KCNMB4: variants seen among roughly 807,000 people sequenced by gnomAD.
The protein encoded by KCNMB4 is calcium-activated potassium channel subunit beta-4.
A neutral mutation model predicts 20.7 loss-of-function variants in KCNMB4; 3 were observed. That is an observed-to-expected ratio of 0.14 (90% CI 0.07 to 0.37). KCNMB4 has a LOEUF of 0.37. Ranked by LOEUF, KCNMB4 falls within the 10% of genes least tolerant of loss-of-function variation. The pLI, the probability that KCNMB4 is intolerant of heterozygous loss-of-function variation, is 1.00. For missense variants in KCNMB4, 168 were observed against 265.9 expected (o/e 0.63, Z 2.56); for synonymous variants, 110 against 113.4 (o/e 0.97, Z 0.19).
At chr12:70,411,947 T>C (rs537555654) in intron 2 of KCNMB4, among the ~76,000 whole-genome samples, 13 of 152,206 alleles carry the variant, frequency 8.5e-5, no homozygotes, top group African/African-American at 2.9e-4. Context: ...GGTAGATTGA[T>C]AGAAGCCAAA....
rs1413299426 is a variant in KCNMB4 at position 70,366,645 on chromosome 12, C to T, written c.-90C>T. On this transcript the variant is annotated 5_prime_UTR_variant, in exon 1 of 3. Transcript: ENST00000258111. ...TGTCGCGCGGCGGCGGCGGTGGCGG[C>T]GGCGGCTCCTCCCGCCCGAGGCAGT... 7.4e-6 allele frequency: 7 copies of T among 941,776 alleles called. No individual in the cohort carries two copies. Among genetic ancestry groups the T allele is most frequent in the Non-Finnish European group, 8.0e-6 (6 of 749,754 alleles). 58.3% of individuals were successfully genotyped at this position (941,776 alleles called of 1,614,324 possible). A position where few individuals can be genotyped will look rare whatever the true frequency, so the allele number is the denominator to read the frequency against.
intron 1 of KCNMB4, among the ~76,000 whole-genome samples, chr12:70,380,648 C>G (rs1196130684): frequency 6.8e-6 from 1 of 147,910 alleles, no homozygotes; most frequent in Non-Finnish European, 1.5e-5. Flanking sequence ...AACTGAGAGT[C>G]CAAAAAAAAA....
At chr12:70,420,048 T>A (rs545863714) in intron 2 of KCNMB4, among the ~76,000 whole-genome samples, 1 of 151,868 alleles carries the variant, frequency 6.6e-6, no homozygotes, top group Non-Finnish European at 1.5e-5. Context: ...ATAACTCAGA[T>A]TGTAGATCTG....
chr12:70,394,405 CTTAG>C (rs908649487), intron 1 of KCNMB4, among the ~76,000 whole-genome samples: 3 of 152,158 alleles, frequency 2.0e-5, no homozygotes, highest in Admixed American at 6.5e-5. Flanking sequence ...TTCTCCTGTT[CTTAG>C]TTAACCTTGC....
chr12:70,386,786 C>T (rs1868261198), intron 1 of KCNMB4, among the ~76,000 whole-genome samples: 1 of 151,980 alleles, frequency 6.6e-6, no homozygotes, highest in Non-Finnish European at 1.5e-5. Flanking sequence ...AGACTAGAAA[C>T]TTCTATAATG....
chr12:70,384,789 G>A (rs1263019188), intron 1 of KCNMB4, among the ~76,000 whole-genome samples: 2 of 147,044 alleles, frequency 1.4e-5, no homozygotes, highest in African/African-American at 5.1e-5. Flanking sequence ...CGGTAGGATC[G>A]CTTGAGCCCA....
At chr12:70,407,030 T>G (rs1868623293) in intron 2 of KCNMB4, among the ~76,000 whole-genome samples, 1 of 152,100 alleles carries the variant, frequency 6.6e-6, no homozygotes, top group Non-Finnish European at 1.5e-5. Flanking sequence ...TGGCATCAGA[T>G]CCCACAAATT....
Position 70,366,911 on chromosome 12 carries a change from G to A in KCNMB4, c.177G>A (p.Val59=), listed in dbSNP as rs755516521. Residue 59 remains valine, a synonymous_variant, in exon 1 of 3, where the codon GTG becomes GTA. Transcript: ENST00000258111. ...AGGCCAATTGCACGGTGCTGTCGGT[G>A]CAGCAGATCGGCGAGGTGTTCGAGT... ...ATEANCTVLS[V]QQIGEVFECT... is the part of the protein sequence containing the mutation. The A allele has an allele frequency of 1.2e-6, 2 of 1,613,428 alleles. No homozygotes were observed. Among genetic ancestry groups the A allele is most frequent in the Non-Finnish European group, 8.5e-7 (1 of 1,179,856 alleles).
chr12:70,416,246 T>G (rs902273176), intron 2 of KCNMB4, among the ~76,000 whole-genome samples: 8 of 152,192 alleles, frequency 5.3e-5, no homozygotes, highest in Admixed American at 5.2e-4. Flanking sequence ...CATGTCAGTT[T>G]CACTATGGGA....
At chr12:70,392,181 G>T (rs538382183) in intron 1 of KCNMB4, among the ~76,000 whole-genome samples, 1 of 152,274 alleles carries the variant, frequency 6.6e-6, no homozygotes, top group South Asian at 2.1e-4. Flanking sequence ...ATCTGAATGT[G>T]TGCATGAACA....
intron 1 of KCNMB4, among the ~76,000 whole-genome samples, chr12:70,391,788 A>G (rs1868301701): frequency 6.6e-6 from 1 of 152,216 alleles, no homozygotes; most frequent in Non-Finnish European, 1.5e-5. Context: ...CAGGTGCTTT[A>G]TCACCTTTTC....
chr12:70,367,877 A>G (rs1436133743), intron 1 of KCNMB4, among the ~76,000 whole-genome samples: 1 of 152,062 alleles, frequency 6.6e-6, no homozygotes, highest in Admixed American at 6.5e-5. Context: ...GAAAAAGAAA[A>G]AAAAAAAAGA....
intron 1 of KCNMB4, among the ~76,000 whole-genome samples, chr12:70,373,783 C>G (rs1412651760): frequency 6.6e-6 from 1 of 152,130 alleles, no homozygotes; most frequent in Non-Finnish European, 1.5e-5. Context: ...ACTTGGGAGG[C>G]TGAGGCCTGT....
At chr12:70,423,120 T>A (rs1253113161) in intron 2 of KCNMB4, among the ~76,000 whole-genome samples, 1 of 152,224 alleles carries the variant, frequency 6.6e-6, no homozygotes, top group East Asian at 1.9e-4. Flanking sequence ...ATTATTTTTT[T>A]CCTTGCTGTA....
chr12:70,408,341 G>T (rs1319160248), intron 2 of KCNMB4, among the ~76,000 whole-genome samples: 1 of 152,168 alleles, frequency 6.6e-6, no homozygotes, highest in Non-Finnish European at 1.5e-5. Flanking sequence ...TAGACTTACT[G>T]TAGGGACTCC....
chr12:70,425,830 T>A (rs544655330), intron 2 of KCNMB4, among the ~76,000 whole-genome samples: 1 of 152,358 alleles, frequency 6.6e-6, no homozygotes, highest in Non-Finnish European at 1.5e-5. Flanking sequence ...ACTAGGCTGA[T>A]GCATTTGATA....
At chr12:70,390,944 G>GT (rs1468086620) in intron 1 of KCNMB4, among the ~76,000 whole-genome samples, 1 of 152,154 alleles carries the variant, frequency 6.6e-6, no homozygotes, top group East Asian at 1.9e-4. Context: ...TGCCCTTTCT[G>GT]CTCTATACTA....
chr12:70,385,208 GT>G (rs575454906), intron 1 of KCNMB4, among the ~76,000 whole-genome samples: 62 of 152,278 alleles, frequency 4.1e-4, no homozygotes, highest in African/African-American at 1.5e-3. Context: ...TATCTGCCAT[GT>G]TACAGGCCCT....
At chr12:70,374,825 G>C (rs924153040) in intron 1 of KCNMB4, among the ~76,000 whole-genome samples, 1 of 151,992 alleles carries the variant, frequency 6.6e-6, no homozygotes, top group Non-Finnish European at 1.5e-5. Flanking sequence ...CCAGTTTACT[G>C]GTTTTAATCT....
Sources: allele counts gnomAD v4.1 joint callset (sites outside exome capture counted in the v4.1 genomes callset), GRCh38; gene constraint gnomAD v4.1.1; transcripts MANE v1.5; gene names NCBI Gene and HGNC (gene_info 2026-07-23, HGNC 2026-07-21).